RPS6KA5: variants seen among roughly 807,000 people sequenced by gnomAD.
RPS6KA5 encodes the protein ribosomal protein S6 kinase alpha-5.
In RPS6KA5, 27 loss-of-function variants were observed where a neutral mutation model predicts 85.5. The ratio of observed to expected loss-of-function variants is 0.32; its 90% CI spans 0.23 to 0.44. RPS6KA5 has a LOEUF of 0.44. Ranked by LOEUF, RPS6KA5 falls within the 20% of genes least tolerant of loss-of-function variation. The pLI, the probability that RPS6KA5 is intolerant of heterozygous loss-of-function variation, is 1.00. For missense variants in RPS6KA5, 811 were observed against 980.9 expected, an observed-to-expected ratio of 0.83 and a Z score of 2.31; for synonymous variants, 334 against 348.2, an observed-to-expected ratio of 0.96 and a Z score of 0.46.
chr14:90,945,165 T>A (rs2037808674), intron 4 of RPS6KA5, among the ~76,000 whole-genome samples: 2 of 150,358 alleles, frequency 1.3e-5, no homozygotes, highest in Non-Finnish European at 1.5e-5. Context: ...GGTAGGAGGA[T>A]CACCTCAGTC....
At chr14:90,941,395 G>A (rs1198973283) in intron 5 of RPS6KA5, among the ~76,000 whole-genome samples, 1 of 152,116 alleles carries the variant, frequency 6.6e-6, no homozygotes, top group Admixed American at 6.5e-5. Context: ...CCAGACTCCT[G>A]CCTGGGAAGC....
At chr14:90,973,799 G>A (rs2039431178) in intron 3 of RPS6KA5, among the ~76,000 whole-genome samples, 1 of 152,126 alleles carries the variant, frequency 6.6e-6, no homozygotes, top group Admixed American at 6.5e-5. Flanking sequence ...CACTTTGGGA[G>A]GCCAAGGCGT....
In RPS6KA5 at chr14:90,995,986, G is replaced by A. The variant is rs571163804; in HGVS notation, c.175+5102C>T. On this transcript the variant is annotated intron_variant, in intron 2 of 16. Transcript: ENST00000614987. ...TTGCAGTCTCAGCTACTCACGAGGT[G>A]GAAGTGAAAGGACTGCTTGAGCCCA... Among the ~76,000 whole-genome samples the A allele has an allele frequency of 2.0e-5, 3 of 152,156 alleles. No individual in the cohort carries two copies. In the South Asian group the frequency reaches 6.2e-4, roughly 32 times the overall value.
At chr14:91,037,762 C>G (rs889876805) in intron 1 of RPS6KA5, among the ~76,000 whole-genome samples, 2 of 152,194 alleles carry the variant, frequency 1.3e-5, no homozygotes, top group African/African-American at 4.8e-5. Context: ...ATTAGGATGT[C>G]AAATCCTGAG....
chr14:91,058,490 C>G (rs1425535046), intron 1 of RPS6KA5, among the ~76,000 whole-genome samples: 1 of 152,204 alleles, frequency 6.6e-6, no homozygotes, highest in African/African-American at 2.4e-5. Flanking sequence ...GCACCACAGT[C>G]GATGGCTGAG....
At chr14:90,978,088 G>A (rs1272304440) in intron 3 of RPS6KA5, among the ~76,000 whole-genome samples, 4 of 152,084 alleles carry the variant, frequency 2.6e-5, no homozygotes, top group Non-Finnish European at 5.9e-5. Flanking sequence ...TAAGAAAAGA[G>A]TGTGGAATAG....
chr14:90,923,027 T>A, intron 6 of RPS6KA5, 86 bp downstream of exon 6: 1 of 953,270 alleles, frequency 1.0e-6, no homozygotes, highest in Non-Finnish European at 1.6e-6. Flanking sequence ...GACGGCTCTG[T>A]TGAAGAGATG....
At chr14:90,978,932 A>G (rs1183555765) in intron 2 of RPS6KA5, among the ~76,000 whole-genome samples, 3 of 152,182 alleles carry the variant, frequency 2.0e-5, no homozygotes, top group Non-Finnish European at 4.4e-5. Flanking sequence ...GCAGTTCTTA[A>G]TAAGAATTTC....
At chr14:90,903,012 A>G (rs1387852168) in intron 8 of RPS6KA5, 43 bp from the exon 9 acceptor site, 1 of 1,532,396 alleles carries the variant, frequency 6.5e-7, no homozygotes, top group Admixed American at 1.8e-5. Context: ...TCAATAGTCA[A>G]AATGTACTTT....
chr14:91,034,512 G>A lies in RPS6KA5; in HGVS notation c.103+25820C>T, dbSNP rs1284665812. On this transcript the variant is annotated intron_variant, in intron 1 of 16. Transcript: ENST00000614987. ...ACTCTGTAAAAACGCACCAATCAGCGCTCTGTGTCTAGCTAAAGGATTGTA... is the reference window on the plus strand; with the variant it reads ...ACTCTGTAAAAACGCACCAATCAGCACTCTGTGTCTAGCTAAAGGATTGTA... Among the ~76,000 whole-genome samples the A allele has an allele frequency of 5.9e-5, 9 of 151,894 alleles. No homozygotes were observed. The East Asian group carries it at 1.2e-3, about 20-fold the overall frequency.
chr14:90,979,626 A>C (rs1314769078), intron 2 of RPS6KA5, among the ~76,000 whole-genome samples: 1 of 152,240 alleles, frequency 6.6e-6, no homozygotes, highest in Non-Finnish European at 1.5e-5. Flanking sequence ...GTACTCTGGG[A>C]ACTGGATTAG....
chr14:90,920,143 C>T (rs867771658), intron 7 of RPS6KA5, 63 bp downstream of exon 7: 27 of 1,048,394 alleles, frequency 2.6e-5, no homozygotes, highest in African/African-American at 1.6e-4. Flanking sequence ...TCAGCCTAAC[C>T]GCAGAAATGT....
chr14:90,899,456 C>T (rs370115701), intron 11 of RPS6KA5, 34 bp from the exon 12 acceptor site: 1 of 1,498,570 alleles, frequency 6.7e-7, no homozygotes, highest in Non-Finnish European at 9.3e-7. Flanking sequence ...CCACATGTCT[C>T]TTCAAGAAAG....
At chr14:90,885,958 C>T (rs1294369443) in intron 14 of RPS6KA5, among the ~76,000 whole-genome samples, 1 of 151,766 alleles carries the variant, frequency 6.6e-6, no homozygotes, top group East Asian at 1.9e-4. Context: ...CTTTAGGATC[C>T]TCTCAGTTCC....
At chr14:90,935,498 A>T (rs1595261627) in intron 5 of RPS6KA5, among the ~76,000 whole-genome samples, 2 of 152,316 alleles carry the variant, frequency 1.3e-5, no homozygotes, top group South Asian at 4.1e-4. Context: ...TTTACAGATG[A>T]TGAAATTAAG....
chr14:90,894,941 C>A (rs56006679), intron 12 of RPS6KA5, among the ~76,000 whole-genome samples: 3 of 152,106 alleles, frequency 2.0e-5, no homozygotes, highest in Non-Finnish European at 4.4e-5. Context: ...TCAGGCCTCC[C>A]GATGAGCTGG....
At chr14:90,906,346 A>AG in intron 7 of RPS6KA5, 47 bp from the exon 8 acceptor site, 2 of 1,480,996 alleles carry the variant, frequency 1.4e-6, no homozygotes, top group Non-Finnish European at 1.8e-6. Context: ...GATGACAAAA[A>AG]AAAAAAAAAG....
chr14:90,872,038 A>C lies in RPS6KA5; in HGVS notation c.*36T>G. ...GCCTCAGGCATATGCTGAGGGAATA[A>C]AGGTGCAATGGATCACTGATACACT... is the stretch of plus-strand genomic sequence containing the variant. On this transcript the variant is annotated 3_prime_UTR_variant, in exon 17 of 17. Coordinates refer to ENST00000614987, the MANE Select transcript of RPS6KA5 (RefSeq NM_004755.4). 2 of 1,583,800 alleles carry C rather than the reference A, an allele frequency of 1.3e-6. No individual in the cohort carries two copies. The highest frequency in any genetic ancestry group is 1.7e-6 in the Non-Finnish European group (2 of 1,167,388).
At chr14:90,995,796 G>A (rs2040490724) in intron 2 of RPS6KA5, among the ~76,000 whole-genome samples, 1 of 152,142 alleles carries the variant, frequency 6.6e-6, no homozygotes, top group Non-Finnish European at 1.5e-5. Context: ...AATAATGATT[G>A]TGGCTACATG....
Sources: allele counts gnomAD v4.1 joint callset (sites outside exome capture counted in the v4.1 genomes callset), GRCh38; gene constraint gnomAD v4.1.1; transcripts MANE v1.5; gene names NCBI Gene and HGNC (gene_info 2026-07-23, HGNC 2026-07-21).